The following MAPKAP1 variants were observed in gnomAD, a reference collection of about 807,000 sequenced individuals.
MAPKAP1 encodes the protein target of rapamycin complex 2 subunit MAPKAP1.
MAPKAP1 carries 20 observed loss-of-function variants against 65.7 expected under a neutral mutation model. The ratio of observed to expected loss-of-function variants is 0.30; its 90% CI spans 0.21 to 0.44. The LOEUF (loss-of-function observed/expected upper bound fraction) is 0.44. Among genes scored for constraint, MAPKAP1 ranks in the 20% least tolerant of loss-of-function variants. The pLI, the probability that MAPKAP1 is intolerant of heterozygous loss-of-function variation, is 1.00. For synonymous variants in MAPKAP1, 222 were observed against 244.3 expected, an observed-to-expected ratio of 0.91 and a Z score of 0.85; for missense variants, 423 against 648.0, an observed-to-expected ratio of 0.65 and a Z score of 3.77.
intron 6 of MAPKAP1, among the ~76,000 whole-genome samples, chr9:125,546,697 G>C (rs969296067): frequency 6.6e-6 from 1 of 152,100 alleles, no homozygotes. Flanking sequence ...AGAAGACAAT[G>C]GTCCTGGGGG....
intron 4 of MAPKAP1, among the ~76,000 whole-genome samples, chr9:125,653,336 G>A (rs1833944881): frequency 6.6e-6 from 1 of 152,114 alleles, no homozygotes; most frequent in South Asian, 2.1e-4. Flanking sequence ...TAAATCTGAG[G>A]GTTTTTATAT....
At chr9:125,673,086 C>T (rs534904860) in intron 1 of MAPKAP1, among the ~76,000 whole-genome samples, 1 of 152,296 alleles carries the variant, frequency 6.6e-6, no homozygotes, top group African/African-American at 2.4e-5. Flanking sequence ...CCCCTCCTGT[C>T]ATATGATTGT....
intron 10 of MAPKAP1, among the ~76,000 whole-genome samples, chr9:125,450,378 CT>C: frequency 6.6e-6 from 1 of 152,370 alleles, no homozygotes; most frequent in East Asian, 1.9e-4. Flanking sequence ...TTCACGGTCT[CT>C]TTCCTAACCA....
intron 5 of MAPKAP1, among the ~76,000 whole-genome samples, chr9:125,574,351 G>A (rs1467907895): frequency 6.6e-6 from 1 of 152,220 alleles, no homozygotes; most frequent in Admixed American, 6.5e-5. Flanking sequence ...TGGTATTGAT[G>A]TTAAAAAGCT....
chr9:125,657,068 TCTC>T (rs1001638294), intron 4 of MAPKAP1, among the ~76,000 whole-genome samples: 7 of 152,088 alleles, frequency 4.6e-5, no homozygotes, highest in Non-Finnish European at 7.4e-5. Context: ...AAAGCTCAGA[TCTC>T]AACAATTTCT....
In MAPKAP1 at chr9:125,595,629, C is replaced by G; in HGVS notation, c.499-9902G>C. 1 of 1,433,770 alleles carries G rather than the reference C, an allele frequency of 7.0e-7. No individual in the cohort carries two copies. Among genetic ancestry groups the G allele is most frequent in the Non-Finnish European group, 9.1e-7 (1 of 1,095,812 alleles). The allele number at this position is 1,433,770 out of a possible 1,614,324, so 88.8% of individuals were successfully genotyped here. ...GCTTACTCCTTTCTGCCTGTGGACA[C>G]GCCAAGGAAGCATCGTTAAAGTCTC... On this transcript the variant is annotated intron_variant, in intron 4 of 11. Transcript: ENST00000265960. This position sits in a 1 kb window ranked among gnomAD's most constrained non-coding sequence, Gnocchi z 4.0.
chr9:125,672,538 G>A lies in MAPKAP1; in HGVS notation c.37C>T (p.His13Tyr). 1 of 1,614,156 alleles carries A rather than the reference G, an allele frequency of 6.2e-7. No homozygotes were observed. Among genetic ancestry groups the A allele is most frequent in the South Asian group, 1.1e-5 (1 of 91,080 alleles). ...CTGGTCACATGTGACTGTCGAATAT[G>A]AGCTAGAATGATAGTTGGATTGTCC... ...FLDNPTIILA[H>Y]IRQSHVTSDD... is the part of the protein sequence containing the mutation. Residue 13 changes from histidine to tyrosine, a missense_variant, in exon 2 of 12, where the codon CAT becomes TAT. Transcript: ENST00000265960.
At chr9:125,486,030 T>A (rs1256112158) in intron 8 of MAPKAP1, among the ~76,000 whole-genome samples, 2 of 152,188 alleles carry the variant, frequency 1.3e-5, no homozygotes, top group Non-Finnish European at 2.9e-5. Context: ...TCAGGAAAGT[T>A]TCTTACTCAT....
chr9:125,475,957 C>T (rs1040844700), intron 9 of MAPKAP1, among the ~76,000 whole-genome samples: 3 of 152,126 alleles, frequency 2.0e-5, no homozygotes, highest in Admixed American at 6.5e-5. Context: ...CTCATGAATC[C>T]GACTCCCATT....
At position 125,533,942 on chromosome 9, in the gene MAPKAP1, G is replaced by A. The variant is rs114398118; in HGVS notation, c.958+9117C>T. Among the ~76,000 whole-genome samples the A allele has an allele frequency of 7.4e-3, 1,128 of 152,256 alleles. 19 individuals carry two copies. The highest frequency in any genetic ancestry group is 0.025 in the African/African-American group (1,051 of 41,528). On this transcript the variant is annotated intron_variant, in intron 7 of 11. Coordinates refer to ENST00000265960, the MANE Select transcript of MAPKAP1 (RefSeq NM_001006617.3). ...ACATCCTTCAATAGAGAGCTAAGTT[G>A]AACAAATTATTAGGAAGATAAAATG...
At chr9:125,440,840 A>G (rs1300755328) in intron 11 of MAPKAP1, among the ~76,000 whole-genome samples, 1 of 152,254 alleles carries the variant, frequency 6.6e-6, no homozygotes, top group Non-Finnish European at 1.5e-5. Flanking sequence ...CATTCTTAAT[A>G]CAAGAAATCT....
intron 1 of MAPKAP1, among the ~76,000 whole-genome samples, chr9:125,682,921 T>A (rs938183385): frequency 2.6e-5 from 4 of 152,074 alleles, no homozygotes; most frequent in African/African-American, 7.2e-5. Flanking sequence ...CCTTCATGGA[T>A]CTTCTGAGGG....
At chr9:125,613,801 CTT>C (rs550073547) in intron 4 of MAPKAP1, among the ~76,000 whole-genome samples, 7 of 144,034 alleles carry the variant, frequency 4.9e-5, no homozygotes, top group Admixed American at 1.4e-4. Flanking sequence ...AGAGCAATTT[CTT>C]TTTTTTTTTT....
At chr9:125,441,740 C>A (rs1171681482) in intron 11 of MAPKAP1, among the ~76,000 whole-genome samples, 2 of 152,210 alleles carry the variant, frequency 1.3e-5, no homozygotes, top group African/African-American at 4.8e-5. Flanking sequence ...CAGGGCTGGG[C>A]TTCCGTTGCT....
At chr9:125,674,869 A>G (rs943802563) in intron 1 of MAPKAP1, among the ~76,000 whole-genome samples, 3 of 152,208 alleles carry the variant, frequency 2.0e-5, no homozygotes, top group Non-Finnish European at 4.4e-5. Flanking sequence ...GACCGAGTAC[A>G]TCTCCTAATA....
intron 4 of MAPKAP1, among the ~76,000 whole-genome samples, chr9:125,626,720 C>T (rs774031637): frequency 6.6e-6 from 1 of 152,158 alleles, no homozygotes; most frequent in East Asian, 1.9e-4. Context: ...CACATCCTAA[C>T]CAGATTTACC....
At chr9:125,646,402 T>C (rs1302934375) in intron 4 of MAPKAP1, among the ~76,000 whole-genome samples, 1 of 152,202 alleles carries the variant, frequency 6.6e-6, no homozygotes, top group African/African-American at 2.4e-5. Context: ...AGCCTAGCCA[T>C]CATTTATCCC....
At chr9:125,667,720 C>T (rs74472026) in intron 3 of MAPKAP1, among the ~76,000 whole-genome samples, 11 of 151,796 alleles carry the variant, frequency 7.2e-5, no homozygotes, top group African/African-American at 1.7e-4. Context: ...CCTCACTGTG[C>T]GTTTTATTTA....
At chr9:125,692,199 C>A (rs569965415) in intron 1 of MAPKAP1, among the ~76,000 whole-genome samples, 8 of 152,136 alleles carry the variant, frequency 5.3e-5, no homozygotes, top group Admixed American at 1.3e-4. Context: ...TATGTTCACA[C>A]GAAAATTTGT....
Sources: allele counts gnomAD v4.1 joint callset (sites outside exome capture counted in the v4.1 genomes callset), GRCh38; gene constraint gnomAD v4.1.1; non-coding constraint Gnocchi (gnomAD v3.1); transcripts MANE v1.5; gene names NCBI Gene and HGNC (gene_info 2026-07-23, HGNC 2026-07-21).